TRAPPC11: variants seen among roughly 807,000 people sequenced by gnomAD.
TRAPPC11 encodes the protein foie gras homolog.
TRAPPC11 carries 104 observed loss-of-function variants against 151.2 expected under a neutral mutation model. The ratio of observed to expected loss-of-function variants is 0.69; its 90% CI spans 0.59 to 0.81. TRAPPC11 has a LOEUF of 0.81. Among genes scored for constraint, TRAPPC11 ranks in the 30% least tolerant of loss-of-function variants. The pLI, the probability that TRAPPC11 is intolerant of heterozygous loss-of-function variation, is 0.00. For missense variants in TRAPPC11, 1,230 were observed against 1,349.6 expected (o/e 0.91, Z 1.39); for synonymous variants, 456 against 472.3 (o/e 0.97, Z 0.45).
At chr4:183,662,606 G>T (rs1246585795) in intron 1 of TRAPPC11, among the ~76,000 whole-genome samples, 2 of 151,868 alleles carry the variant, frequency 1.3e-5, no homozygotes, top group Non-Finnish European at 2.9e-5. Context: ...TATATTGTGG[G>T]AAATGAGACA....
At chr4:183,684,107 T>G in intron 12 of TRAPPC11, 38 bp from the exon 13 acceptor site, 1 of 1,606,168 alleles carries the variant, frequency 6.2e-7, no homozygotes, top group Non-Finnish European at 8.5e-7. Context: ...AGAAAAATAT[T>G]TGTATTGAAA....
rs373944670 is a variant in TRAPPC11, at chr4:183,684,162, T to A, written c.1305T>A (p.Leu435=). 44 of 1,613,858 alleles carry A rather than the reference T, an allele frequency of 2.7e-5. No homozygotes were observed. In the Admixed American group the frequency reaches 7.0e-4, roughly 26 times the overall value. ...NVVHSEIIIT[L]LSNAVAQFKK... ...TCTAATAGGAGATAATCATAACTCT[T>A]CTGAGCAATGCTGTTGCACAGTTCA... Residue 435 remains leucine (L), a synonymous_variant, in exon 13 of 30, where the codon CTT becomes CTA. Coordinates refer to ENST00000334690, the MANE Select transcript of TRAPPC11 (RefSeq NM_021942.6).
chr4:183,661,787 A>T (rs1013246190), intron 1 of TRAPPC11, among the ~76,000 whole-genome samples: 1 of 114,316 alleles, frequency 8.7e-6, no homozygotes, highest in Non-Finnish European at 1.8e-5. Flanking sequence ...TTTGTGGCAC[A>T]ATCTTGCTCT....
rs1380950836 is a variant in TRAPPC11 at position 183,693,679 on chromosome 4, T to C, written c.2328T>C (p.Val776=). The C allele has an allele frequency of 4.3e-6, 7 of 1,614,064 alleles. No individual in the cohort carries two copies. The South Asian group carries it at 7.7e-5, about 18-fold the overall frequency. The change falls in exon 21 of 30, where the codon GTT becomes GTC. Residue 776 remains valine, a synonymous_variant. Transcript: ENST00000334690. ...TNEMYCLVVT[V]QSHEKTQIRD... ...AAATGTATTGTTTGGTTGTGACTGTTCAGTCCCATGAAAAGACCCAAATCA... is the reference window on the plus strand; with the variant it reads ...AAATGTATTGTTTGGTTGTGACTGTCCAGTCCCATGAAAAGACCCAAATCA...
chr4:183,684,891 C>T (rs1250025984), intron 15 of TRAPPC11, 50 bp downstream of exon 15: 2 of 1,530,942 alleles, frequency 1.3e-6, no homozygotes, highest in African/African-American at 1.4e-5. Context: ...AATTATTTAG[C>T]ATCTTTAAGC....
intron 2 of TRAPPC11, 132 bp from the exon 3 acceptor site, chr4:183,666,125 C>T: frequency 1.4e-6 from 1 of 717,816 alleles, no homozygotes. Flanking sequence ...AATCTGTAAG[C>T]CTGAGTTTCC....
At position 183,686,608 on chromosome 4, in the gene TRAPPC11, T is replaced by C; in HGVS notation, c.1763-10T>C. 6.2e-7 allele frequency: 1 copy of C among 1,613,290 alleles called. No individual in the cohort carries two copies. Among genetic ancestry groups the C allele is most frequent in the Non-Finnish European group, 8.5e-7 (1 of 1,179,658 alleles). The stretch of plus-strand genomic sequence containing the variant: ...TTGTGCATAACACAGCCCTTTTGTT[T>C]TATTTCTAGTGCAGTGCAAAGCCAA... On this transcript the variant is annotated splice_polypyrimidine_tract_variant and intron_variant, in intron 17 of 29. Coordinates refer to ENST00000334690, the MANE Select transcript of TRAPPC11 (RefSeq NM_021942.6).
chr4:183,683,225 T>G (rs1363421668), intron 11 of TRAPPC11, among the ~76,000 whole-genome samples: 5 of 152,192 alleles, frequency 3.3e-5, no homozygotes, highest in Non-Finnish European at 7.3e-5. Flanking sequence ...GTTGTCTTAT[T>G]TAAATATTTT....
rs1325617347 is a variant in TRAPPC11 at position 183,675,154 on chromosome 4, C to T, written c.661-10C>T. 4 of 1,448,528 alleles carry T rather than the reference C, an allele frequency of 2.8e-6. No homozygotes were observed. The highest frequency in any genetic ancestry group is 2.3e-5 in the Admixed American group (1 of 43,246). The allele number at this position is 1,448,528 out of a possible 1,614,324, so 89.7% of individuals were successfully genotyped here. A position where few individuals can be genotyped will look rare whatever the true frequency, so the allele number is the denominator to read the frequency against. ...ATATGTATAATAGTAATTTTTTTGTCTCTTTTTAGCTTTTATTTGTTAGGC... is the reference window on the plus strand; with the variant it reads ...ATATGTATAATAGTAATTTTTTTGTTTCTTTTTAGCTTTTATTTGTTAGGC... On this transcript the variant is annotated splice_polypyrimidine_tract_variant and intron_variant, in intron 6 of 29. Coordinates refer to ENST00000334690, the MANE Select transcript of TRAPPC11 (RefSeq NM_021942.6).
chr4:183,663,367 G>A (rs972523601), intron 1 of TRAPPC11, among the ~76,000 whole-genome samples: 1 of 152,110 alleles, frequency 6.6e-6, no homozygotes, highest in Non-Finnish European at 1.5e-5. Flanking sequence ...CTGAGTAGCT[G>A]GGACTACAGG....
intron 26 of TRAPPC11, among the ~76,000 whole-genome samples, chr4:183,704,394 G>A (rs1284697523): frequency 9.2e-5 from 14 of 151,972 alleles, no homozygotes; most frequent in African/African-American, 2.4e-4. Flanking sequence ...GGCTTCACGC[G>A]CCTGTAATCC....
intron 18 of TRAPPC11, among the ~76,000 whole-genome samples, chr4:183,688,202 G>A (rs906357507): frequency 6.6e-6 from 1 of 152,156 alleles, no homozygotes; most frequent in Non-Finnish European, 1.5e-5. Flanking sequence ...GCCCAAATAG[G>A]TAATGAAGAC....
At chr4:183,708,327 A>G in intron 28 of TRAPPC11, 80 bp from the exon 29 acceptor site, 2 of 1,419,138 alleles carry the variant, frequency 1.4e-6, no homozygotes, top group Non-Finnish European at 1.9e-6. Context: ...AATCTTTTGT[A>G]AATAATTGAG....
chr4:183,664,044 C>T lies in TRAPPC11; in HGVS notation c.177C>T (p.Asp59=). Residue 59 remains aspartate (D), a synonymous_variant, in exon 2 of 30, where the codon GAC becomes GAT. Coordinates refer to ENST00000334690, the MANE Select transcript of TRAPPC11 (RefSeq NM_021942.6). ...VPISFKVLPG[D]HEYPKCRPKR... ...TTTCTTTCAAGGTGCTCCCAGGTGA[C>T]CATGAGTATCCCAAATGTAGACCCA... is the stretch of plus-strand genomic sequence containing the variant. The T allele has an allele frequency of 6.2e-7, 1 of 1,613,382 alleles. No homozygotes were observed. Among genetic ancestry groups the T allele is most frequent in the Non-Finnish European group, 8.5e-7 (1 of 1,180,008 alleles).
In TRAPPC11 at chr4:183,712,825, A is replaced by G. The variant is rs1037978438; in HGVS notation, c.*181A>G. ...AAAATATTAGGAAAATCTGTCTTAT[A>G]GTTTCTCTAATAAATATCTGAAATC... On this transcript the variant is annotated 3_prime_UTR_variant, in exon 30 of 30. Transcript: ENST00000334690. 2 of 511,924 alleles carry G rather than the reference A, an allele frequency of 3.9e-6. No individual in the cohort carries two copies. The highest frequency in any genetic ancestry group is 3.7e-5 in the Admixed American group (1 of 27,224). 31.7% of individuals were successfully genotyped at this position (511,924 alleles called of 1,614,324 possible). A position where few individuals can be genotyped will look rare whatever the true frequency, so the allele number is the denominator to read the frequency against.
At chr4:183,700,159 C>A (rs1736735170) in intron 25 of TRAPPC11, among the ~76,000 whole-genome samples, 1 of 152,124 alleles carries the variant, frequency 6.6e-6, no homozygotes, top group South Asian at 2.1e-4. Context: ...TAACTTCTTA[C>A]AATTAAGGAG....
intron 23 of TRAPPC11, 106 bp downstream of exon 23, chr4:183,694,829 T>C: frequency 2.7e-6 from 3 of 1,112,466 alleles, no homozygotes; most frequent in Non-Finnish European, 3.8e-6. Context: ...GTTTAGGTGC[T>C]TATAGTCTGT....
intron 9 of TRAPPC11, 21 bp downstream of exon 9, chr4:183,679,507 T>C (rs568069871): frequency 6.4e-7 from 1 of 1,557,742 alleles, no homozygotes; most frequent in Non-Finnish European, 8.7e-7. Context: ...CATTGTCCTT[T>C]TAGAATTTTT....
chr4:183,676,980 A>G (rs1230579117), intron 7 of TRAPPC11, among the ~76,000 whole-genome samples: 1 of 151,844 alleles, frequency 6.6e-6, no homozygotes, highest in Non-Finnish European at 1.5e-5. Flanking sequence ...GGCCAGGCTG[A>G]TCTGAAACTC....
Sources: gnomAD v4.1 joint callset for allele counts (sites outside exome capture counted in the v4.1 genomes callset) on GRCh38, gnomAD v4.1.1 for gene constraint, MANE v1.5 for transcripts, NCBI Gene and HGNC (gene_info 2026-07-23, HGNC 2026-07-21) for gene names.